The following NOL10 variants were observed in gnomAD, a reference collection of about 807,000 sequenced individuals.
The protein encoded by NOL10 is nucleolar protein 10.
A neutral mutation model predicts 103.5 loss-of-function variants in NOL10; 58 were observed. The observed-to-expected ratio is 0.56, with a 90% CI of 0.45 to 0.70. NOL10 has a LOEUF of 0.70. NOL10 is among the 30% of genes least tolerant of loss of function. The probability of loss-of-function intolerance (pLI) is 0.00; values close to 1 mark genes in which losing one functional copy is unlikely to be tolerated. For missense variants in NOL10, 763 were observed against 807.3 expected, an observed-to-expected ratio of 0.95 and a Z score of 0.67; for synonymous variants, 287 against 282.5, an observed-to-expected ratio of 1.02 and a Z score of -0.16.
chr2:10,668,630 A>G, intron 7 of NOL10, 28 bp downstream of exon 7: 2 of 1,171,488 alleles, frequency 1.7e-6, no homozygotes, highest in Admixed American at 2.5e-5. Flanking sequence ...GTCAAAATGT[A>G]TATAGCAGAA....
At chr2:10,625,809 T>TA (rs1290567091) in intron 13 of NOL10, among the ~76,000 whole-genome samples, 1 of 152,108 alleles carries the variant, frequency 6.6e-6, no homozygotes, top group Non-Finnish European at 1.5e-5. Flanking sequence ...CTCTCTACTT[T>TA]TATGTCTATT....
At chr2:10,588,545 G>A (rs1297308966) in intron 19 of NOL10, among the ~76,000 whole-genome samples, 2 of 152,124 alleles carry the variant, frequency 1.3e-5, no homozygotes, top group African/African-American at 2.4e-5. Context: ...AAACATAACC[G>A]AGGTTCTAAT....
chr2:10,629,521 G>T (rs1426319578), intron 13 of NOL10, among the ~76,000 whole-genome samples: 1 of 152,068 alleles, frequency 6.6e-6, no homozygotes, highest in Non-Finnish European at 1.5e-5. Context: ...GCAGTGGAAG[G>T]GTATTTGAGT....
Position 10,603,139 on chromosome 2 carries a change from C to T in NOL10, c.1172G>A (p.Gly391Glu). 1.9e-6 allele frequency: 3 copies of T among 1,611,278 alleles called. No individual in the cohort carries two copies. Among genetic ancestry groups the T allele is most frequent in the Non-Finnish European group, 2.5e-6 (3 of 1,178,580 alleles). ...LENLGLTHLI[G>E]SPFLRAYMHG... ...CATATATGCCCGGAGGAAAGGAGAT[C>T]CAATGAGGTGGGTGAGCCCTGGGAA... Residue 391 changes from glycine to glutamate, a missense_variant, in exon 15 of 21, where the codon GGA becomes GAA. Coordinates refer to ENST00000381685, the MANE Select transcript of NOL10 (RefSeq NM_024894.4).
At chr2:10,638,483 CTTTTTTTTTTT>C (rs869294782) in intron 13 of NOL10, among the ~76,000 whole-genome samples, 4 of 77,778 alleles carry the variant, frequency 5.1e-5, no homozygotes, top group Non-Finnish European at 4.5e-5. Flanking sequence ...GCTGAATTCC[CTTTTTTTTTTT>C]TTTTTTTTTT....
chr2:10,640,278 C>G (rs1678611119), intron 13 of NOL10, among the ~76,000 whole-genome samples: 1 of 152,212 alleles, frequency 6.6e-6, no homozygotes, highest in Middle Eastern at 3.4e-3. Context: ...GCTTTCAGAC[C>G]CCTGGGCTCT....
chr2:10,587,086 TAC>T (rs1558270091), intron 19 of NOL10, among the ~76,000 whole-genome samples: 1 of 55,024 alleles, frequency 1.8e-5, no homozygotes, highest in Non-Finnish European at 4.3e-5. Context: ...TACATATATA[TAC>T]ATATATATAC....
At chr2:10,674,809 C>A (rs574585039) in intron 4 of NOL10, among the ~76,000 whole-genome samples, 2 of 152,198 alleles carry the variant, frequency 1.3e-5, no homozygotes, top group East Asian at 3.9e-4. Context: ...TGCACTTCAG[C>A]CTGGGCGACA....
At chr2:10,681,097 T>A (rs1681724460) in intron 3 of NOL10, among the ~76,000 whole-genome samples, 1 of 152,028 alleles carries the variant, frequency 6.6e-6, no homozygotes, top group South Asian at 2.1e-4. Context: ...ACTCAAAAAT[T>A]CCACTCCTAG....
chr2:10,654,809 G>A (rs1679718075), intron 11 of NOL10, among the ~76,000 whole-genome samples: 1 of 152,070 alleles, frequency 6.6e-6, no homozygotes, highest in Non-Finnish European at 1.5e-5. Context: ...ACATTTTAAA[G>A]ATAATGTCAA....
intron 11 of NOL10, 21 bp from the exon 12 acceptor site, chr2:10,654,568 CG>C: frequency 3.9e-6 from 6 of 1,545,736 alleles, no homozygotes; most frequent in Non-Finnish European, 5.3e-6. Flanking sequence ...CAAGCAAAAA[CG>C]AAGTATTAAA....
rs1353687773 is a variant in NOL10 at position 10,673,532 on chromosome 2, A to G, written c.315T>C (p.Asp105=). The change falls in exon 5 of 21, where the codon GAT becomes GAC. Residue 105 remains aspartate (D), a synonymous_variant. Transcript: ENST00000381685. ...SEVVTFEILS[D]DYSKIVFLHN... ...CTATAAAACATACCTTTGAGTAGTC[A>G]TCAGACAAAATTTCAAAGGTGACAA... The G allele has an allele frequency of 1.9e-6, 3 of 1,598,452 alleles. No homozygotes were observed. Among genetic ancestry groups the G allele is most frequent in the South Asian group, 2.3e-5 (2 of 88,394 alleles).
At chr2:10,601,481 C>T (rs745606206) in intron 16 of NOL10, among the ~76,000 whole-genome samples, 5 of 152,288 alleles carry the variant, frequency 3.3e-5, no homozygotes, top group South Asian at 2.1e-4. Flanking sequence ...CTAGGGAACT[C>T]GCCCTCATTT....
At chr2:10,608,437 C>T (rs908511313) in intron 13 of NOL10, among the ~76,000 whole-genome samples, 11 of 152,256 alleles carry the variant, frequency 7.2e-5, no homozygotes, top group African/African-American at 1.2e-4. Context: ...ATGCCACACC[C>T]GCTGAGGTCA....
chr2:10,591,877 C>T (rs960758980), intron 17 of NOL10, among the ~76,000 whole-genome samples: 1 of 152,078 alleles, frequency 6.6e-6, no homozygotes, highest in Non-Finnish European at 1.5e-5. Flanking sequence ...GTGGTGCATG[C>T]CTGTAGTCCC....
intron 13 of NOL10, among the ~76,000 whole-genome samples, chr2:10,613,668 C>A (rs749583219): frequency 3.3e-5 from 5 of 152,108 alleles, no homozygotes; most frequent in Non-Finnish European, 5.9e-5. Flanking sequence ...CTATTACAAT[C>A]CTAGAAATTG....
At chr2:10,611,480 G>C (rs1039340808) in intron 13 of NOL10, among the ~76,000 whole-genome samples, 4 of 152,194 alleles carry the variant, frequency 2.6e-5, no homozygotes, top group African/African-American at 7.2e-5. Flanking sequence ...GAGGAAAAAG[G>C]GTGAACACTA....
chr2:10,616,222 T>TA (rs1676827045), intron 13 of NOL10, among the ~76,000 whole-genome samples: 1 of 25,396 alleles, frequency 3.9e-5, no homozygotes, highest in Admixed American at 3.5e-4. Flanking sequence ...CCTGCATTTT[T>TA]TTTTTTTTTT....
At chr2:10,631,033 A>AT (rs1291170691) in intron 13 of NOL10, among the ~76,000 whole-genome samples, 3 of 152,190 alleles carry the variant, frequency 2.0e-5, no homozygotes, top group African/African-American at 7.2e-5. Flanking sequence ...TTCTGGCAAA[A>AT]TTACATCTGT....
Sources: allele counts gnomAD v4.1 joint callset (sites outside exome capture counted in the v4.1 genomes callset), GRCh38; gene constraint gnomAD v4.1.1; transcripts MANE v1.5; gene names NCBI Gene and HGNC (gene_info 2026-07-23, HGNC 2026-07-21).